The following PDE1B variants were observed in gnomAD, a reference collection of about 807,000 sequenced individuals.
PDE1B encodes the protein dual specificity calcium/calmodulin-dependent 3',5'-cyclic nucleotide phosphodiesterase 1B.
Under a neutral mutation model 66.7 loss-of-function variants are expected in PDE1B, and 13 were observed. That is an observed-to-expected ratio of 0.19 (90% CI 0.13 to 0.31). The LOEUF (loss-of-function observed/expected upper bound fraction) is 0.31, where lower values mean the gene tolerates loss of function less well. PDE1B is among the 10% of genes least tolerant of loss of function. The pLI is 1.00. For synonymous variants in PDE1B, 230 were observed against 253.9 expected (o/e 0.91, Z 0.90); for missense variants, 485 against 682.3 (o/e 0.71, Z 3.22).
At chr12:54,555,133 G>A (rs1957327759) in intron 2 of PDE1B, among the ~76,000 whole-genome samples, 1 of 152,046 alleles carries the variant, frequency 6.6e-6, no homozygotes, top group Non-Finnish European at 1.5e-5. Flanking sequence ...AGAAAGGAGA[G>A]GAACTTCCTC....
chr12:54,569,723 A>G lies in PDE1B; in HGVS notation c.477+111A>G. On this transcript the variant is annotated intron_variant, in intron 5 of 15. Transcript: ENST00000243052. The surrounding 1 kb of genome is among the most constrained non-coding windows in gnomAD (Gnocchi z 4.4). ...TTTGCCTTCCTTTTTTTTTTTTGAAATGGAGTCTCGCTCTTGTCACTCAGG... is the reference window on the plus strand; with the variant it reads ...TTTGCCTTCCTTTTTTTTTTTTGAAGTGGAGTCTCGCTCTTGTCACTCAGG... 1 of 724,684 alleles carries G rather than the reference A, an allele frequency of 1.4e-6. No homozygotes were observed. The highest frequency in any genetic ancestry group is 2.6e-5 in the East Asian group (1 of 38,180). 44.9% of individuals were successfully genotyped at this position (724,684 alleles called of 1,614,324 possible).
At chr12:54,556,293 T>TTGTA (rs1957341008) in intron 2 of PDE1B, among the ~76,000 whole-genome samples, 6 of 152,152 alleles carry the variant, frequency 3.9e-5, no homozygotes, top group Admixed American at 3.9e-4. Flanking sequence ...CAAGACTACA[T>TTGTA]GGTCTGAGAG....
At chr12:54,564,644 C>CAA (rs112890532) in intron 2 of PDE1B, among the ~76,000 whole-genome samples, 23 of 149,000 alleles carry the variant, frequency 1.5e-4, no homozygotes, top group African/African-American at 5.8e-4. Context: ...AACAAACAAA[C>CAA]AAAAAAAAAC....
intron 13 of PDE1B, 143 bp downstream of exon 13, chr12:54,576,243 G>A (rs1321970517): frequency 2.0e-5 from 13 of 660,912 alleles, no homozygotes; most frequent in Admixed American, 4.3e-5. Context: ...TCCCTCTGCC[G>A]TCAGGGACAG....
chr12:54,561,410 C>G (rs1467795102), intron 2 of PDE1B: 1 of 1,266,034 alleles, frequency 7.9e-7, no homozygotes, highest in African/African-American at 1.5e-5. Flanking sequence ...TGCCTCCCCA[C>G]TCTCTTCTTC....
rs1280734176 is a variant in PDE1B at position 54,569,803 on chromosome 12, G to A, written c.477+191G>A. On this transcript the variant is annotated intron_variant, in intron 5 of 15. Transcript: ENST00000243052. The surrounding 1 kb of genome is among the most constrained non-coding windows in gnomAD (Gnocchi z 4.4). ...CTGCAACCTCTGCCTCCCTGCAAGC[G>A]ATTCTCCTGCCTCAGCCTCCTGAGT... Among the ~76,000 whole-genome samples the A allele has an allele frequency of 6.6e-6, 1 of 151,766 alleles. No homozygotes were observed. The highest frequency in any genetic ancestry group is 1.5e-5 in the Non-Finnish European group (1 of 67,954).
chr12:54,553,514 T>A (rs1349194153), intron 2 of PDE1B, among the ~76,000 whole-genome samples: 1 of 152,248 alleles, frequency 6.6e-6, no homozygotes, highest in Admixed American at 6.5e-5. Flanking sequence ...TTTTTGCTTA[T>A]CTTTGTTTCA....
chr12:54,570,200 G>C, intron 5 of PDE1B, 41 bp from the exon 6 acceptor site: 1 of 1,215,530 alleles, frequency 8.2e-7, no homozygotes, highest in Non-Finnish European at 1.2e-6. Context: ...TTCAACCCTT[G>C]CTGCTGCTGG....
intron 2 of PDE1B, among the ~76,000 whole-genome samples, chr12:54,559,899 G>A (rs941202104): frequency 6.6e-6 from 1 of 152,110 alleles, no homozygotes. Flanking sequence ...ATCCTGCAAC[G>A]CAAGCATGTC....
At chr12:54,555,366 C>T (rs771205657) in intron 2 of PDE1B, among the ~76,000 whole-genome samples, 51 of 152,182 alleles carry the variant, frequency 3.4e-4, no homozygotes, top group Non-Finnish European at 5.9e-4. Flanking sequence ...CCAAATATCA[C>T]TCTGCTTGTC....
rs1000213696 is a variant in PDE1B at position 54,578,918 on chromosome 12, T to A, written c.*1076T>A. The A allele has an allele frequency of 6.6e-6, 1 of 152,322 alleles. No homozygotes were observed. The highest frequency in any genetic ancestry group is 6.5e-5 in the Admixed American group (1 of 15,282). 9.4% of individuals were successfully genotyped at this position (152,322 alleles called of 1,614,324 possible). ...GGCAGATGGACAAGGGGCTCAGGGCTGCTGCCTTCCTGTCCTCTGGAGAGA... is the reference window on the plus strand; with the variant it reads ...GGCAGATGGACAAGGGGCTCAGGGCAGCTGCCTTCCTGTCCTCTGGAGAGA... On this transcript the variant is annotated 3_prime_UTR_variant, in exon 16 of 16. Transcript: ENST00000243052.
rs773362770 is a variant in PDE1B, at chr12:54,569,322, C to T, written c.366C>T (p.Phe122=). 6.2e-7 allele frequency: 1 copy of T among 1,613,706 alleles called. No individual in the cohort carries two copies. The highest frequency in any genetic ancestry group is 1.1e-5 in the South Asian group (1 of 90,976). ...KGRRAEEKPK[F]RSIVHAVQAG... Reference sequence around the variant, plus strand: ...GCCGAGCAGAGGAGAAGCCCAAGTTCCGAAGCATTGTGCACGCTGTGCAGG... The same window carrying T: ...GCCGAGCAGAGGAGAAGCCCAAGTTTCGAAGCATTGTGCACGCTGTGCAGG... The change falls in exon 4 of 16, where the codon TTC becomes TTT. Residue 122 remains phenylalanine (F), a synonymous_variant. Coordinates refer to ENST00000243052, the MANE Select transcript of PDE1B (RefSeq NM_000924.4). The surrounding 1 kb of genome is among the most constrained non-coding windows in gnomAD (Gnocchi z 4.4).
chr12:54,559,207 C>T (rs1038029961), intron 2 of PDE1B, among the ~76,000 whole-genome samples: 32 of 151,786 alleles, frequency 2.1e-4, no homozygotes, highest in Middle Eastern at 3.4e-3. Context: ...AATCCCTTCC[C>T]GAGCACCCAC....
At chr12:54,568,487 CACACACACA>C (rs1268877003) in intron 3 of PDE1B, among the ~76,000 whole-genome samples, 3 of 151,078 alleles carry the variant, frequency 2.0e-5, no homozygotes, top group Admixed American at 1.3e-4. Flanking sequence ...CACACACACA[CACACACACA>C]CACACACACA....
chr12:54,551,001 G>A (rs540221622), intron 2 of PDE1B, among the ~76,000 whole-genome samples: 6 of 152,196 alleles, frequency 3.9e-5, no homozygotes, highest in Non-Finnish European at 8.8e-5. Flanking sequence ...CCCTCTCTCC[G>A]AGATGAATCC....
Position 54,576,535 on chromosome 12 carries a change from C to T in PDE1B, c.1377-36C>T, listed in dbSNP as rs1300879178. ...AAGGTGGTTCTGGAGTGGGCTGGGG[C>T]TTACCTCTTGCGGCTTTTGGGGGTT... is the stretch of plus-strand genomic sequence containing the variant. On this transcript the variant is annotated intron_variant, in intron 13 of 15. Coordinates refer to ENST00000243052, the MANE Select transcript of PDE1B (RefSeq NM_000924.4). 5 of 1,613,432 alleles carry T rather than the reference C, an allele frequency of 3.1e-6. No individual in the cohort carries two copies. In the Admixed American group the frequency reaches 8.3e-5, roughly 27 times the overall value.
rs763509702 is a variant in PDE1B at position 54,570,354 on chromosome 12, C to T, written c.591C>T (p.Phe197=). 5.7e-6 allele frequency: 9 copies of T among 1,581,642 alleles called. No individual in the cohort carries two copies. In the South Asian group the frequency reaches 1.0e-4, roughly 17 times the overall value. Residue 197 remains phenylalanine (F), a synonymous_variant, in exon 6 of 16, where the codon TTC becomes TTT. Coordinates refer to ENST00000243052, the MANE Select transcript of PDE1B (RefSeq NM_000924.4). ...LLTRHNLISR[F]KIPTVFLMSF... is the part of the protein sequence containing the mutation. ...CTCGGCATAACCTCATCAGCCGCTT[C>T]AAGGTTGGGCAGCATCCTACCTCTA...
At chr12:54,571,532 G>C (rs1391649184) in intron 6 of PDE1B, 2 of 152,202 alleles carry the variant, frequency 1.3e-5, no homozygotes, top group Non-Finnish European at 2.9e-5. Context: ...AGCTGTTTTG[G>C]GTTAGGTTTG....
At position 54,573,770 on chromosome 12, in the gene PDE1B, G is replaced by T. The variant is rs1441456902; in HGVS notation, c.1064+61G>T. ...GAGGGAGGGGTGTGTGAACTGGGGG[G>T]GTATACACAAGGGTAGTTGGTGTGC... On this transcript the variant is annotated intron_variant, in intron 10 of 15. Transcript: ENST00000243052. The surrounding 1 kb of genome is among the most constrained non-coding windows in gnomAD (Gnocchi z 5.2). 2 of 1,229,082 alleles carry T rather than the reference G, an allele frequency of 1.6e-6. No homozygotes were observed. The highest frequency in any genetic ancestry group is 1.2e-6 in the Non-Finnish European group (1 of 833,052). The allele number at this position is 1,229,082 out of a possible 1,614,324, so 76.1% of individuals were successfully genotyped here. A position where few individuals can be genotyped will look rare whatever the true frequency, so the allele number is the denominator to read the frequency against.
Sources: allele counts gnomAD v4.1 joint callset (sites outside exome capture counted in the v4.1 genomes callset), GRCh38; gene constraint gnomAD v4.1.1; non-coding constraint Gnocchi (gnomAD v3.1); transcripts MANE v1.5; gene names NCBI Gene and HGNC (gene_info 2026-07-23, HGNC 2026-07-21).